Variants in TUSC3 observed in about 807,000 individuals in gnomAD.
TUSC3 encodes tumor suppressor candidate 3, also known as dolichyl-diphosphooligosaccharide--protein glycosyltransferase subunit TUSC3.
TUSC3 carries 45 observed loss-of-function variants against 44.8 expected under a neutral mutation model. The observed-to-expected ratio is 1.00, with a 90% confidence interval of 0.79 to 1.29. The LOEUF is 1.29. TUSC3 is among the 50% of genes most tolerant of loss of function. The pLI, the probability that TUSC3 is intolerant of heterozygous loss-of-function variation, is 0.00. For synonymous variants in TUSC3, 212 were observed against 152.9 expected (o/e 1.39, Z -2.85); for missense variants, 519 against 437.9 (o/e 1.19, Z -1.65).
intron 9 of TUSC3, among the ~76,000 whole-genome samples, chr8:15,750,749 GTCT>G (rs1414181517): frequency 6.6e-6 from 1 of 152,070 alleles, no homozygotes. Context: ...CATTTGAACA[GTCT>G]TCTTATGTAA....
intron 1 of TUSC3, among the ~76,000 whole-genome samples, chr8:15,613,967 C>T (rs762752603): frequency 1.3e-5 from 2 of 151,366 alleles, no homozygotes; most frequent in Non-Finnish European, 2.9e-5. Flanking sequence ...TGTGTTATCT[C>T]CCATGTGTAC....
At chr8:15,825,924 GC>G in the TUSC3 span, among the ~76,000 whole-genome samples, 7 of 136,998 alleles carry the variant, frequency 5.1e-5, no homozygotes, top group African/African-American at 1.6e-4. Context: ...CAAACAAGAA[GC>G]AATACACCTA....
At chr8:15,429,641 T>C (rs1323335464) in intron 1 of TUSC3, among the ~76,000 whole-genome samples, 4 of 151,670 alleles carry the variant, frequency 2.6e-5, no homozygotes, top group South Asian at 4.1e-4. Context: ...TGTATCCTCT[T>C]TTATTTCATT....
intron 1 of TUSC3, among the ~76,000 whole-genome samples, chr8:15,606,421 A>T (rs190547142): frequency 6.6e-6 from 1 of 152,020 alleles, no homozygotes; most frequent in East Asian, 1.9e-4. Context: ...TTAGTAGTCA[A>T]TTTTTGGGGA....
the TUSC3 span, among the ~76,000 whole-genome samples, chr8:15,834,557 T>G: frequency 6.6e-6 from 1 of 152,198 alleles, no homozygotes; most frequent in African/African-American, 2.4e-5. Context: ...CAAGTTTTCA[T>G]TAAGAATAAC....
chr8:15,531,943 C>T (rs563540998), intron 2 of TUSC3, among the ~76,000 whole-genome samples: 3 of 152,248 alleles, frequency 2.0e-5, no homozygotes, highest in South Asian at 4.1e-4. Context: ...ATTGTCTTGT[C>T]TATAAAAGAA....
intron 1 of TUSC3, among the ~76,000 whole-genome samples, chr8:15,601,390 A>G (rs912939163): frequency 1.3e-5 from 2 of 151,702 alleles, no homozygotes; most frequent in Admixed American, 1.3e-4. Context: ...TATAGTTTGA[A>G]TGGATCTAGG....
At chr8:15,562,786 C>T (rs1802526665) in intron 1 of TUSC3, among the ~76,000 whole-genome samples, 1 of 152,114 alleles carries the variant, frequency 6.6e-6, no homozygotes, top group African/African-American at 2.4e-5. Context: ...CACAGCATGG[C>T]TATTTGCTTT....
At chr8:15,701,325 T>C (rs1469818965) in intron 6 of TUSC3, among the ~76,000 whole-genome samples, 1 of 152,168 alleles carries the variant, frequency 6.6e-6, no homozygotes, top group Non-Finnish European at 1.5e-5. Context: ...TGCCTATGCT[T>C]GAAGTTCCCA....
intron 1 of TUSC3, among the ~76,000 whole-genome samples, chr8:15,614,226 C>T (rs1804889324): frequency 6.6e-6 from 1 of 152,028 alleles, no homozygotes; most frequent in Admixed American, 6.6e-5. Context: ...CTCATGGAAA[C>T]ACTGAGTCTA....
At chr8:15,619,400 G>A (rs1465261105) in intron 1 of TUSC3, among the ~76,000 whole-genome samples, 2 of 151,674 alleles carry the variant, frequency 1.3e-5, no homozygotes, top group African/African-American at 2.4e-5. Flanking sequence ...GCTCTTCCTC[G>A]TTTACCCTAT....
chr8:15,560,592 A>G (rs1338019275), intron 1 of TUSC3, among the ~76,000 whole-genome samples: 1,613 of 138,764 alleles, frequency 0.012, 39 homozygotes, highest in African/African-American at 0.04. Context: ...AATATCCTGC[A>G]GAGTGTTTTC....
chr8:15,794,111 TA>T, the TUSC3 span, among the ~76,000 whole-genome samples: 1 of 152,182 alleles, frequency 6.6e-6, no homozygotes, highest in Non-Finnish European at 1.5e-5. Context: ...GCAGCACTTC[TA>T]AAACACAATA....
Position 15,502,104 on chromosome 8 carries a change from C to T in TUSC3, n.189+18621C>T, listed in dbSNP as rs139331703. On this transcript the variant is annotated intron_variant and non_coding_transcript_variant, in intron 2 of 5. Transcript: ENST00000503191. ...TCTATTCAATATACTTATGCTATAA[C>T]TTTTAGTTGAAGCAGCAGAGTTTAA... Among the ~76,000 whole-genome samples, 4 of 152,228 alleles carry T rather than the reference C, an allele frequency of 2.6e-5. No homozygotes were observed. In the East Asian group the frequency reaches 7.7e-4, roughly 29 times the overall value.
At chr8:15,848,711 C>A in the TUSC3 span, among the ~76,000 whole-genome samples, 1 of 152,148 alleles carries the variant, frequency 6.6e-6, no homozygotes, top group Non-Finnish European at 1.5e-5. Context: ...TACAGCAACC[C>A]AACAGTGAGA....
At chr8:15,806,506 A>G in the TUSC3 span, 1 of 1,103,150 alleles carries the variant, frequency 9.1e-7, no homozygotes, top group Non-Finnish European at 1.4e-6. Flanking sequence ...AAACTTTCTC[A>G]GGGTCATCAG....
intron 6 of TUSC3, among the ~76,000 whole-genome samples, chr8:15,711,106 C>T (rs1809828551): frequency 6.6e-6 from 1 of 151,672 alleles, no homozygotes; most frequent in African/African-American, 2.4e-5. Flanking sequence ...CTACTACCTC[C>T]GTTTTCTTCG....
chr8:15,544,775 T>C (rs1801809484), intron 1 of TUSC3, among the ~76,000 whole-genome samples: 1 of 151,794 alleles, frequency 6.6e-6, no homozygotes, highest in Non-Finnish European at 1.5e-5. Context: ...ATGGTAGTTA[T>C]GCATTGATAT....
At chr8:15,619,554 C>T (rs774511783) in intron 1 of TUSC3, among the ~76,000 whole-genome samples, 6 of 151,876 alleles carry the variant, frequency 4.0e-5, no homozygotes, top group Non-Finnish European at 7.4e-5. Flanking sequence ...TGCAGTGGCA[C>T]GATCTCGGCT....
Sources: gnomAD v4.1 joint callset for allele counts (sites outside exome capture counted in the v4.1 genomes callset) on GRCh38, gnomAD v4.1.1 for gene constraint, MANE v1.5 for transcripts, NCBI Gene and HGNC (gene_info 2026-07-23, HGNC 2026-07-21) for gene names.